NOX4: variants seen among roughly 807,000 people sequenced by gnomAD.
NOX4 encodes the protein NADPH oxidase 4.
A neutral mutation model predicts 87.6 loss-of-function variants in NOX4; 69 were observed. That is an observed-to-expected ratio of 0.79 (90% confidence interval 0.65 to 0.96). The LOEUF is 0.96. Among genes scored for constraint, NOX4 ranks in the 40% least tolerant of loss-of-function variants. The pLI is 0.00. For synonymous variants in NOX4, 275 were observed against 238.2 expected (o/e 1.15, Z -1.42); for missense variants, 680 against 681.5 (o/e 1.00, Z 0.02).
At chr11:89,445,507 G>C (rs945617541) in intron 4 of NOX4, among the ~76,000 whole-genome samples, 7 of 152,052 alleles carry the variant, frequency 4.6e-5, no homozygotes, top group African/African-American at 1.7e-4. Context: ...TATGGTATTA[G>C]CAAAAGAAAA....
chr11:89,567,933 G>A, the NOX4 span, among the ~76,000 whole-genome samples: 2 of 152,206 alleles, frequency 1.3e-5, no homozygotes, highest in African/African-American at 4.8e-5. Context: ...TTGTCAGTGT[G>A]TGTGCATGTG....
chr11:89,514,369 A>T, the NOX4 span, among the ~76,000 whole-genome samples: 1 of 151,934 alleles, frequency 6.6e-6, no homozygotes, highest in Non-Finnish European at 1.5e-5. Flanking sequence ...AAAAATTCTG[A>T]ATTTATTTAA....
upstream of NOX4, chr11:89,491,488 T>TGCCCAGAC: frequency 2.0e-6 from 1 of 487,924 alleles, no homozygotes; most frequent in Non-Finnish European, 3.6e-6. Context: ...CCCACTCAGC[T>TGCCCAGAC]GCCCAGACGC....
intron 2 of NOX4, among the ~76,000 whole-genome samples, chr11:89,467,055 A>T (rs1168616649): frequency 1.3e-5 from 2 of 152,098 alleles, no homozygotes; most frequent in Non-Finnish European, 2.9e-5. Flanking sequence ...TTACATTAAG[A>T]ATGTCTTTAT....
intron 8 of NOX4, among the ~76,000 whole-genome samples, chr11:89,411,659 CAACAG>C (rs1942484619): frequency 6.6e-6 from 1 of 151,852 alleles, no homozygotes; most frequent in Non-Finnish European, 1.5e-5. Context: ...AGAAAACATA[CAACAG>C]ATACATAAAA....
At chr11:89,365,769 A>AAG (rs1938929676) in intron 12 of NOX4, among the ~76,000 whole-genome samples, 1 of 151,356 alleles carries the variant, frequency 6.6e-6, no homozygotes, top group Non-Finnish European at 1.5e-5. Context: ...AAAAAAAAAA[A>AAG]AAAAAAACAG....
At chr11:89,540,603 C>G in the NOX4 span, among the ~76,000 whole-genome samples, 10 of 151,354 alleles carry the variant, frequency 6.6e-5, no homozygotes, top group Non-Finnish European at 1.5e-4. Context: ...CTGGCTAACA[C>G]GGTGAAATCC....
intron 2 of NOX4, among the ~76,000 whole-genome samples, chr11:89,461,393 C>T (rs1945456319): frequency 6.6e-6 from 1 of 151,234 alleles, no homozygotes; most frequent in Non-Finnish European, 1.5e-5. Context: ...GCCTGTAATC[C>T]CAGCACTTTG....
intron 2 of NOX4, among the ~76,000 whole-genome samples, chr11:89,454,706 G>C (rs1391606628): frequency 6.6e-6 from 1 of 152,018 alleles, no homozygotes; most frequent in Non-Finnish European, 1.5e-5. Context: ...GAACAACAAA[G>C]ATCTCATCTA....
the NOX4 span, among the ~76,000 whole-genome samples, chr11:89,514,489 T>G: frequency 6.6e-6 from 1 of 152,032 alleles, no homozygotes; most frequent in South Asian, 2.1e-4. Flanking sequence ...TTTATAATTT[T>G]TATTTTATCT....
At chr11:89,429,624 C>T (rs571722051) in intron 7 of NOX4, among the ~76,000 whole-genome samples, 60 of 152,120 alleles carry the variant, frequency 3.9e-4, no homozygotes, top group Non-Finnish European at 7.4e-4. Context: ...AATGGATAAA[C>T]TTCTGGAAAC....
upstream of NOX4, among the ~76,000 whole-genome samples, chr11:89,499,988 T>C (rs1051058920): frequency 1.3e-5 from 2 of 152,148 alleles, no homozygotes; most frequent in African/African-American, 4.8e-5. Context: ...TGGCATAGAA[T>C]GTAACATCTG....
the NOX4 span, among the ~76,000 whole-genome samples, chr11:89,573,935 G>C: frequency 6.6e-6 from 1 of 152,116 alleles, no homozygotes; most frequent in South Asian, 2.1e-4. Flanking sequence ...CCCATCTGAG[G>C]ATTCCTTCCC....
chr11:89,333,644 C>A (rs1455572725), intron 17 of NOX4, among the ~76,000 whole-genome samples: 1 of 151,732 alleles, frequency 6.6e-6, no homozygotes, highest in Non-Finnish European at 1.5e-5. Context: ...ACTTATATGC[C>A]TGTCTTCCCT....
chr11:89,462,080 T>C (rs1945495101), intron 2 of NOX4, among the ~76,000 whole-genome samples: 1 of 151,932 alleles, frequency 6.6e-6, no homozygotes, highest in African/African-American at 2.4e-5. Context: ...TACTATAAAA[T>C]GGCGACAGAT....
At chr11:89,489,908 G>A (rs1565353131) in intron 2 of NOX4, among the ~76,000 whole-genome samples, 1 of 152,056 alleles carries the variant, frequency 6.6e-6, no homozygotes, top group Non-Finnish European at 1.5e-5. Context: ...AAATAAATCA[G>A]AAAAAAGTTT....
At chr11:89,371,956 C>A (rs1939476808) in intron 12 of NOX4, among the ~76,000 whole-genome samples, 1 of 151,840 alleles carries the variant, frequency 6.6e-6, no homozygotes, top group Middle Eastern at 3.4e-3. Flanking sequence ...AGCTGGCTAC[C>A]CTTTCTAAAG....
the NOX4 span, among the ~76,000 whole-genome samples, chr11:89,517,039 T>A: frequency 3.9e-5 from 6 of 152,052 alleles, no homozygotes; most frequent in Non-Finnish European, 8.8e-5. Context: ...TGTTGAATAA[T>A]TATTTTTAAT....
At chr11:89,513,941 G>A in the NOX4 span, among the ~76,000 whole-genome samples, 7 of 151,988 alleles carry the variant, frequency 4.6e-5, no homozygotes, top group South Asian at 2.1e-4. Flanking sequence ...ATTTTACCAC[G>A]TTATGACCCA....
Sources: gnomAD v4.1 joint callset for allele counts (sites outside exome capture counted in the v4.1 genomes callset) on GRCh38, gnomAD v4.1.1 for gene constraint, MANE v1.5 for transcripts, NCBI Gene and HGNC (gene_info 2026-07-23, HGNC 2026-07-21) for gene names.